The following KCTD9 variants were observed in gnomAD, a reference collection of about 807,000 sequenced individuals.
KCTD9 encodes BTB/POZ domain-containing protein KCTD9.
Under a neutral mutation model 53.3 loss-of-function variants are expected in KCTD9, and 17 were observed. The ratio of observed to expected loss-of-function variants is 0.32; its 90% CI spans 0.22 to 0.48. The LOEUF is 0.48. KCTD9 is among the 20% of genes least tolerant of loss of function. KCTD9 has a pLI of 0.99. For missense variants in KCTD9, 179 were observed against 465.5 expected, an observed-to-expected ratio of 0.38 and a Z score of 5.66; for synonymous variants, 128 against 162.7, an observed-to-expected ratio of 0.79 and a Z score of 1.62.
Position 25,458,351 on chromosome 8 carries a change from C to T in KCTD9, c.-105G>A, listed in dbSNP as rs1802521810. On this transcript the variant is annotated 5_prime_UTR_variant, in exon 1 of 12. Coordinates refer to ENST00000221200, the MANE Select transcript of KCTD9 (RefSeq NM_017634.4). Reference sequence around the variant, plus strand: ...TCCCCTCCCTCCACCCACTCGGATTCGCCTCCCTTCGCCACCTTCCTGCCC... The same window carrying T: ...TCCCCTCCCTCCACCCACTCGGATTTGCCTCCCTTCGCCACCTTCCTGCCC... 1.6e-6 allele frequency: 2 copies of T among 1,221,416 alleles called. No individual in the cohort carries two copies. Among genetic ancestry groups the T allele is most frequent in the African/African-American group, 1.5e-5 (1 of 66,950 alleles). The allele number at this position is 1,221,416 out of a possible 1,614,324, so 75.7% of individuals were successfully genotyped here.
chr8:25,441,711 G>T (rs538582334), intron 3 of KCTD9, among the ~76,000 whole-genome samples: 1 of 152,222 alleles, frequency 6.6e-6, no homozygotes, highest in South Asian at 2.1e-4. Context: ...AAATTAAAAA[G>T]AAATGGTCAG....
chr8:25,438,532 G>A (rs910584122), intron 6 of KCTD9, among the ~76,000 whole-genome samples: 26 of 152,164 alleles, frequency 1.7e-4, no homozygotes, highest in Non-Finnish European at 3.4e-4. Flanking sequence ...GGCACTCTAC[G>A]TCTGACCACT....
chr8:25,450,282 G>A (rs1567121), intron 1 of KCTD9: 601,151 of 971,196 alleles, frequency 0.62, 189,753 homozygotes, highest in Non-Finnish European at 0.64. Flanking sequence ...GAATAGAGGT[G>A]ACCAATTATC....
intron 1 of KCTD9, among the ~76,000 whole-genome samples, chr8:25,457,970 G>A (rs1802499575): frequency 6.8e-6 from 1 of 147,092 alleles, no homozygotes; most frequent in Non-Finnish European, 1.5e-5. Context: ...GGGCCGAACC[G>A]CGCCGGCCCC....
At chr8:25,442,911 T>G (rs1451818156) in intron 3 of KCTD9, among the ~76,000 whole-genome samples, 3 of 152,170 alleles carry the variant, frequency 2.0e-5, no homozygotes, top group Non-Finnish European at 4.4e-5. Context: ...TGTGACATTA[T>G]AATTCTATTA....
intron 9 of KCTD9, 49 bp downstream of exon 9, chr8:25,435,314 C>A: frequency 7.2e-7 from 1 of 1,394,200 alleles, no homozygotes; most frequent in South Asian, 1.5e-5. Flanking sequence ...TGAGACTGTT[C>A]AATAGACTAA....
chr8:25,446,066 A>G, intron 2 of KCTD9, 63 bp downstream of exon 2: 1 of 1,577,400 alleles, frequency 6.3e-7, no homozygotes, highest in Non-Finnish European at 8.6e-7. Context: ...TGCTTAAGGG[A>G]AACAGCATAG....
intron 3 of KCTD9, among the ~76,000 whole-genome samples, chr8:25,442,339 TTTGAGACCA>T (rs1425498624): frequency 6.6e-6 from 1 of 152,170 alleles, no homozygotes; most frequent in African/African-American, 2.4e-5. Context: ...GATCAGATTT[TTTGAGACCA>T]ACACCTCAGG....
At chr8:25,455,448 G>T (rs1303484633) in intron 1 of KCTD9, among the ~76,000 whole-genome samples, 1 of 151,982 alleles carries the variant, frequency 6.6e-6, no homozygotes, top group Non-Finnish European at 1.5e-5. Context: ...TTAATAAATA[G>T]GACTTCAAAT....
chr8:25,433,481 G>T, intron 9 of KCTD9, 46 bp from the exon 10 acceptor site: 2 of 1,116,042 alleles, frequency 1.8e-6, no homozygotes, highest in South Asian at 1.6e-5. Flanking sequence ...TCATAATTTT[G>T]TTCAAATTAG....
At chr8:25,445,920 CTA>C (rs971444741) in intron 2 of KCTD9, among the ~76,000 whole-genome samples, 1 of 151,782 alleles carries the variant, frequency 6.6e-6, no homozygotes, top group African/African-American at 2.4e-5. Context: ...TGCAGAAAGA[CTA>C]TCAGTATACT....
At chr8:25,456,201 T>C (rs1170524731) in intron 1 of KCTD9, among the ~76,000 whole-genome samples, 1 of 152,208 alleles carries the variant, frequency 6.6e-6, no homozygotes, top group Admixed American at 6.5e-5. Flanking sequence ...ACAGAGATTA[T>C]TCTTATAACC....
Position 25,429,625 on chromosome 8 carries a change from T to C in KCTD9, c.*232A>G. 2.6e-6 allele frequency: 1 copy of C among 391,648 alleles called. No individual in the cohort carries two copies. The highest frequency in any genetic ancestry group is 5.3e-5 in the East Asian group (1 of 18,946). The allele number at this position is 391,648 out of a possible 1,614,324, so 24.3% of individuals were successfully genotyped here. ...CTACCCCATTCAAAAGGCAGCAATATCTAGTTTCCCTACATCTATTAAATG... is the reference window on the plus strand; with the variant it reads ...CTACCCCATTCAAAAGGCAGCAATACCTAGTTTCCCTACATCTATTAAATG... On this transcript the variant is annotated 3_prime_UTR_variant, in exon 12 of 12. Transcript: ENST00000221200.
chr8:25,447,136 G>A (rs928805373), intron 1 of KCTD9, among the ~76,000 whole-genome samples: 1 of 152,206 alleles, frequency 6.6e-6, no homozygotes, highest in African/African-American at 2.4e-5. Context: ...GTTCATGCCT[G>A]TAATCCCAGC....
Position 25,435,413 on chromosome 8 carries a change from G to T in KCTD9, c.763C>A (p.Leu255Ile), listed in dbSNP as rs1443793755. Reference protein sequence around the residue: ...LSRCNLAHANLCCANLERADL... With the variant: ...LSRCNLAHANICCANLERADL... Reference sequence around the variant, plus strand: ...GCTCGTTCAAGATTTGCACAGCAAAGATTTGCATGTGCAAGATTACAGCGG... The same window carrying T: ...GCTCGTTCAAGATTTGCACAGCAAATATTTGCATGTGCAAGATTACAGCGG... Residue 255 changes from leucine (L) to isoleucine (I), a missense_variant, in exon 9 of 12, where the codon CTT (leucine) becomes ATT (isoleucine). Around this residue, in one of 4 missense-constraint regions of KCTD9, gnomAD observed 32 missense variants for 55.7 expected, o/e 0.57. Transcript: ENST00000221200. 6.2e-7 allele frequency: 1 copy of T among 1,611,208 alleles called. No homozygotes were observed. The highest frequency in any genetic ancestry group is 1.3e-5 in the African/African-American group (1 of 74,806).
chr8:25,439,493 T>C, intron 5 of KCTD9, 86 bp from the exon 6 acceptor site: 1 of 1,560,806 alleles, frequency 6.4e-7, no homozygotes, highest in South Asian at 1.2e-5. Flanking sequence ...TAAATATAAG[T>C]TTTTACTCTT....
chr8:25,454,056 G>C (rs1802383454), intron 1 of KCTD9, among the ~76,000 whole-genome samples: 1 of 152,026 alleles, frequency 6.6e-6, no homozygotes, highest in Non-Finnish European at 1.5e-5. Context: ...ATTCTTTGTT[G>C]TTGTTGTTGT....
Position 25,439,868 on chromosome 8 carries a change from T to C in KCTD9, c.312-204A>G, listed in dbSNP as rs1367178308. On this transcript the variant is annotated intron_variant, in intron 4 of 11. Coordinates refer to ENST00000221200, the MANE Select transcript of KCTD9 (RefSeq NM_017634.4). ...TAGGGTACTTCCTTTGATTTAAACA[T>C]TGTTTTAGTTTCCTTTGCTTTAAAT... is the stretch of plus-strand genomic sequence containing the variant. The C allele has an allele frequency of 7.5e-6, 8 of 1,070,882 alleles. No individual in the cohort carries two copies. In the African/African-American group the frequency reaches 9.6e-5, roughly 13 times the overall value. 66.3% of individuals were successfully genotyped at this position (1,070,882 alleles called of 1,614,324 possible).
Position 25,440,559 on chromosome 8 carries a change from A to G in KCTD9, c.311+18T>C, listed in dbSNP as rs151294023. 44 of 1,496,690 alleles carry G rather than the reference A, an allele frequency of 2.9e-5. No individual in the cohort carries two copies. The highest frequency in any genetic ancestry group is 3.6e-5 in the Non-Finnish European group (39 of 1,073,958). 92.7% of individuals were successfully genotyped at this position (1,496,690 alleles called of 1,614,324 possible). A position where few individuals can be genotyped will look rare whatever the true frequency, so the allele number is the denominator to read the frequency against. On this transcript the variant is annotated intron_variant, in intron 4 of 11. Transcript: ENST00000221200. ...TTCTTTTGCATTCTCTTTCTAACACACATACACACACACCTACCGTGTAGT... is the reference window on the plus strand; with the variant it reads ...TTCTTTTGCATTCTCTTTCTAACACGCATACACACACACCTACCGTGTAGT...
Sources: gnomAD v4.1 joint callset for allele counts (sites outside exome capture counted in the v4.1 genomes callset) on GRCh38, gnomAD v4.1.1 for gene constraint, gnomAD v4.1.1 regional missense constraint, MANE v1.5 for transcripts, NCBI Gene and HGNC (gene_info 2026-07-23, HGNC 2026-07-21) for gene names.